Variants in CDH18 observed in about 807,000 individuals in gnomAD.
CDH18 encodes the protein cadherin 18, also known as cadherin-18.
CDH18 carries 31 observed loss-of-function variants against 67.9 expected under a neutral mutation model. That is an observed-to-expected ratio of 0.46 (90% CI 0.34 to 0.62). The LOEUF is 0.62. Ranked by LOEUF, CDH18 falls within the 20% of genes least tolerant of loss-of-function variation. CDH18 has a pLI of 0.01. For synonymous variants in CDH18, 362 were observed against 347.2 expected (o/e 1.04, Z -0.48); for missense variants, 890 against 975.5 (o/e 0.91, Z 1.17).
At chr5:20,071,763 T>C (rs1033973661) in intron 2 of CDH18, among the ~76,000 whole-genome samples, 1 of 152,108 alleles carries the variant, frequency 6.6e-6, no homozygotes, top group Admixed American at 6.5e-5. Context: ...GTAAATTGCA[T>C]ACTTGTGCCA....
chr5:19,562,180 G>T (rs1043682544), intron 8 of CDH18, among the ~76,000 whole-genome samples: 36 of 151,938 alleles, frequency 2.4e-4, no homozygotes, highest in African/African-American at 8.0e-4. Context: ...CTATGAAAAA[G>T]GTTCTTGTAT....
Position 19,544,097 on chromosome 5 carries a change from A to T in CDH18, c.1254-92T>A. ...GTATTATATCTAAATACATTAAAAT[A>T]TTCAAATATACTTTTAAATTCTATA... On this transcript the variant is annotated intron_variant, in intron 8 of 12. Transcript: ENST00000382275. The T allele has an allele frequency of 6.2e-6, 3 of 484,058 alleles. No individual in the cohort carries two copies. The South Asian group carries it at 2.1e-4, about 33-fold the overall frequency. The allele number at this position is 484,058 out of a possible 1,614,324, so 30.0% of individuals were successfully genotyped here.
intron 5 of CDH18, among the ~76,000 whole-genome samples, chr5:19,654,862 C>A (rs1411614253): frequency 6.6e-6 from 1 of 152,136 alleles, no homozygotes. Flanking sequence ...CATCTCACAG[C>A]CATTCTCCCC....
intron 1 of CDH18, among the ~76,000 whole-genome samples, chr5:20,467,320 G>T (rs1159187281): frequency 7.4e-6 from 1 of 135,370 alleles, no homozygotes; most frequent in Non-Finnish European, 1.6e-5. Flanking sequence ...TATAAAAAAG[G>T]ACTCATTTAC....
At chr5:19,537,201 C>A (rs779061724) in intron 9 of CDH18, among the ~76,000 whole-genome samples, 1 of 152,098 alleles carries the variant, frequency 6.6e-6, no homozygotes, top group Non-Finnish European at 1.5e-5. Flanking sequence ...AATTCCCCCC[C>A]AGTGACAGAG....
At chr5:20,302,190 A>G (rs1735995552) in intron 1 of CDH18, among the ~76,000 whole-genome samples, 1 of 152,178 alleles carries the variant, frequency 6.6e-6, no homozygotes, top group African/African-American at 2.4e-5. Flanking sequence ...CACATTAAAC[A>G]TTTTAAAACA....
intron 5 of CDH18, among the ~76,000 whole-genome samples, chr5:19,686,312 T>A (rs1430818275): frequency 6.6e-6 from 1 of 152,140 alleles, no homozygotes; most frequent in African/African-American, 2.4e-5. Context: ...GTTAAATGAT[T>A]TAAAAATTCA....
At chr5:20,565,638 C>T (rs1007100712) in intron 1 of CDH18, among the ~76,000 whole-genome samples, 2 of 151,866 alleles carry the variant, frequency 1.3e-5, no homozygotes, top group African/African-American at 4.8e-5. Flanking sequence ...AATGGAATAT[C>T]CTGAGACCTC....
At position 19,474,992 on chromosome 5, in the gene CDH18, C is replaced by G. The variant is rs575826237; in HGVS notation, c.1883-1276G>C. ...CTAGGCTGAGTATTATTTACTTCAG[C>G]TCTATAGACTGCTCTTTTCCTGCTC... On this transcript the variant is annotated intron_variant, in intron 12 of 12. Coordinates refer to ENST00000382275, the MANE Select transcript of CDH18 (RefSeq NM_004934.5). 7.2e-5 allele frequency among the ~76,000 whole-genome samples: 11 copies of G among 152,180 alleles called. No homozygotes were observed. The East Asian group carries it at 2.1e-3, about 29-fold the overall frequency.
rs72745058 is a variant in CDH18 at position 20,339,501 on chromosome 5, C to G, written c.-579-83996G>C. ...AGCTGCAAGGGACAGTTTTAGTGGA[C>G]TGGGACAGGGAGGCGGGAATCCCTG... On this transcript the variant is annotated intron_variant, in intron 1 of 14. Transcript: ENST00000507958. Among the ~76,000 whole-genome samples the G allele has an allele frequency of 6.2e-3, 944 of 152,164 alleles. 14 individuals are homozygous for G. Among genetic ancestry groups the G allele is most frequent in the South Asian group, 0.022 (108 of 4,820 alleles).
intron 1 of CDH18, among the ~76,000 whole-genome samples, chr5:20,551,506 A>T (rs1307538395): frequency 2.0e-5 from 3 of 152,180 alleles, no homozygotes; most frequent in Non-Finnish European, 2.9e-5. Context: ...CTGTTAATAG[A>T]AACAGAGAAA....
At chr5:20,404,883 T>A (rs1746093085) in intron 1 of CDH18, among the ~76,000 whole-genome samples, 1 of 152,136 alleles carries the variant, frequency 6.6e-6, no homozygotes, top group Non-Finnish European at 1.5e-5. Flanking sequence ...ATAGTACAGG[T>A]ATGACTGCAC....
chr5:19,558,000 A>G (rs977856759), intron 8 of CDH18, among the ~76,000 whole-genome samples: 3 of 152,088 alleles, frequency 2.0e-5, no homozygotes, highest in Non-Finnish European at 2.9e-5. Context: ...AACCCTCAAA[A>G]CCATGCAAAT....
At chr5:20,364,476 T>C (rs1014934835) in intron 1 of CDH18, among the ~76,000 whole-genome samples, 3 of 152,324 alleles carry the variant, frequency 2.0e-5, no homozygotes, top group Non-Finnish European at 2.9e-5. Context: ...TGTGCAATCA[T>C]AGAAAACAGA....
At chr5:19,764,506 A>C (rs1772806886) in intron 3 of CDH18, among the ~76,000 whole-genome samples, 1 of 151,902 alleles carries the variant, frequency 6.6e-6, no homozygotes, top group African/African-American at 2.4e-5. Flanking sequence ...TTAGGGAAGA[A>C]TATAACCAAG....
chr5:19,898,351 T>TG (rs202015511), intron 2 of CDH18, among the ~76,000 whole-genome samples: 4,478 of 36,212 alleles, frequency 0.12, 244 homozygotes, highest in African/African-American at 0.26. Context: ...GTTCTTATAG[T>TG]TAAAAAAAAC....
At chr5:20,333,323 A>G (rs1273614809) in intron 1 of CDH18, among the ~76,000 whole-genome samples, 1 of 151,882 alleles carries the variant, frequency 6.6e-6, no homozygotes, top group Non-Finnish European at 1.5e-5. Flanking sequence ...CTTGGCCAAC[A>G]TGGTGAAGCC....
intron 1 of CDH18, among the ~76,000 whole-genome samples, chr5:20,493,356 T>TAAAAAAAAAAAAAAA (rs148292031): frequency 9.5e-4 from 45 of 47,206 alleles, no homozygotes; most frequent in South Asian, 1.6e-3. Flanking sequence ...TTCAGAAAAT[T>TAAAAAAAAAAAAAAA]AAAAAAAAAA....
At chr5:19,822,460 C>A (rs2149953052) in intron 3 of CDH18, among the ~76,000 whole-genome samples, 1 of 152,254 alleles carries the variant, frequency 6.6e-6, no homozygotes, top group South Asian at 2.1e-4. Flanking sequence ...CACGTAGGTT[C>A]TTTTCTATTT....
Sources: gnomAD v4.1 joint callset for allele counts (sites outside exome capture counted in the v4.1 genomes callset) on GRCh38, gnomAD v4.1.1 for gene constraint, MANE v1.5 for transcripts, NCBI Gene and HGNC (gene_info 2026-07-23, HGNC 2026-07-21) for gene names.